Variants in PLS3 observed in about 807,000 individuals in gnomAD.
PLS3 encodes the protein plastin-3.
Under a neutral mutation model 46.5 loss-of-function variants are expected in PLS3, and 11 were observed. The observed-to-expected ratio is 0.24, with a 90% confidence interval of 0.15 to 0.39. The LOEUF is 0.39. PLS3 is among the 10% of genes least tolerant of loss of function. The pLI is 1.00. For synonymous variants in PLS3, 167 were observed against 162.2 expected, an observed-to-expected ratio of 1.03 and a Z score of -0.22; for missense variants, 308 against 461.8, an observed-to-expected ratio of 0.67 and a Z score of 3.05.
intron 1 of PLS3, among the ~76,000 whole-genome samples, chrX:115,604,394 T>C (rs1264506324): frequency 8.9e-6 from 1 of 112,164 alleles, no homozygotes; most frequent in Non-Finnish European, 1.9e-5. Context: ...TAGTTCACAA[T>C]ATGCTGTCAT....
intron 2 of PLS3, chrX:115,610,653 C>A: frequency 3.3e-6 from 1 of 303,409 alleles, no homozygotes; most frequent in Non-Finnish European, 5.7e-6. Flanking sequence ...TATTTTGTAT[C>A]TCATATCTTT....
At chrX:115,575,070 C>G (rs1556631039) in intron 1 of PLS3, among the ~76,000 whole-genome samples, 3 of 111,708 alleles carry the variant, frequency 2.7e-5, no homozygotes, top group African/African-American at 9.8e-5. Flanking sequence ...GTTCCCTGTT[C>G]TGGACATTAC....
chrX:115,640,176 G>A, intron 8 of PLS3: 1 of 964,270 alleles, frequency 1.0e-6, no homozygotes, highest in East Asian at 3.4e-5. Context: ...TTATTGTATT[G>A]ATGACTTTAA....
chrX:115,626,169 A>G, intron 3 of PLS3, among the ~76,000 whole-genome samples: 1 of 112,594 alleles, frequency 8.9e-6, no homozygotes, highest in Admixed American at 9.4e-5. Flanking sequence ...TTGTACTCAA[A>G]TAGTTTTATC....
At position 115,631,535 on chromosome X, in the gene PLS3, C is replaced by T. The variant is rs191032759; in HGVS notation, c.500+1568C>T. On this transcript the variant is annotated intron_variant, in intron 5 of 15. Transcript: ENST00000355899. The stretch of plus-strand genomic sequence containing the variant: ...GATCGCTGAAGACCAGGAGTTAGGT[C>T]CAGTCTGGGCAACAAAACGAGACCC... 5.4e-5 allele frequency among the ~76,000 whole-genome samples: 6 copies of T among 110,242 alleles called. No homozygotes were observed. The Admixed American group carries it at 5.9e-4, about 11-fold the overall frequency.
chrX:115,564,213 A>T (rs1302084571), intron 1 of PLS3, among the ~76,000 whole-genome samples: 1 of 111,913 alleles, frequency 8.9e-6, no homozygotes, highest in Non-Finnish European at 1.9e-5. Context: ...GGGAGCTATT[A>T]ATAAATAAAT....
intron 3 of PLS3, among the ~76,000 whole-genome samples, chrX:115,623,016 A>AC (rs1204760705): frequency 8.3e-5 from 9 of 108,197 alleles, no homozygotes; most frequent in East Asian, 5.8e-4. Flanking sequence ...TAATTCTTTC[A>AC]CCCCCCCACC....
chrX:115,646,539 T>C lies in PLS3; in HGVS notation c.1511+4T>C. 1.7e-6 allele frequency: 2 copies of C among 1,206,558 alleles called. No individual in the cohort carries two copies. Among genetic ancestry groups the C allele is most frequent in the South Asian group, 1.8e-5 (1 of 55,914 alleles). ...TAGTCTGGCAGCTGATGAGAAGGTA[T>C]AGTACACAATTTTAGCTGTTTAGTC... is the stretch of plus-strand genomic sequence containing the variant. On this transcript the variant is annotated splice_donor_region_variant and intron_variant, in intron 13 of 15. Transcript: ENST00000355899.
intron 1 of PLS3, among the ~76,000 whole-genome samples, chrX:115,594,668 T>TCA (rs1212047902): frequency 0.042 from 4,111 of 97,871 alleles, 204 homozygotes; most frequent in African/African-American, 0.15. Context: ...TCTCTCTCTC[T>TCA]CACACACACA....
chrX:115,570,503 CTTTTTTT>C (rs1166812329), intron 1 of PLS3, among the ~76,000 whole-genome samples: 2 of 86,949 alleles, frequency 2.3e-5, no homozygotes, highest in Non-Finnish European at 4.4e-5. Context: ...TCCTACCTTC[CTTTTTTT>C]TTTTTTTTTT....
At chrX:115,630,334 A>C (rs1382036742) in intron 5 of PLS3, among the ~76,000 whole-genome samples, 1 of 111,042 alleles carries the variant, frequency 9.0e-6, no homozygotes, top group Non-Finnish European at 1.9e-5. Context: ...ATTTCTAAAA[A>C]ATGCTTTTGT....
intron 1 of PLS3, among the ~76,000 whole-genome samples, chrX:115,566,599 G>C (rs980171083): frequency 1.8e-5 from 2 of 110,474 alleles, no homozygotes; most frequent in African/African-American, 3.3e-5. Context: ...CCGTGGTCTC[G>C]ATCTCCTGAC....
chrX:115,636,725 A>G, intron 7 of PLS3, 111 bp from the exon 8 acceptor site: 1 of 577,069 alleles, frequency 1.7e-6, no homozygotes, highest in Admixed American at 3.2e-5. Context: ...GAACTATGTC[A>G]TAGTAGTTTT....
rs111323826 is a variant in PLS3, at chrX:115,636,815, A to AT, written c.749-8dup. The AT allele has an allele frequency of 0.036, 28,323 of 784,085 alleles. No homozygotes were observed. Among genetic ancestry groups the AT allele is most frequent in the Non-Finnish European group, 0.04 (22,742 of 569,260 alleles). 64.6% of individuals were successfully genotyped at this position (784,085 alleles called of 1,213,427 possible). A position where few individuals can be genotyped will look rare whatever the true frequency, so the allele number is the denominator to read the frequency against. The stretch of plus-strand genomic sequence containing the variant: ...TATTGTGTCATATAATAACTGTGGG[A>AT]TTTTTTTTTTTTTCTTCTAGCCTTG... On this transcript the variant is annotated intron_variant, in intron 7 of 15. Transcript: ENST00000355899.
In PLS3 at chrX:115,646,992, G is replaced by A. The variant is rs782394796; in HGVS notation, c.1511+457G>A. ...GAATAGTACAAAATGTGCCTACAGT[G>A]GGCTGTTGGACCTGCTCATTAAAGC... is the stretch of plus-strand genomic sequence containing the variant. On this transcript the variant is annotated intron_variant, in intron 13 of 15. Transcript: ENST00000355899. 2.1e-3 allele frequency among the ~76,000 whole-genome samples: 230 copies of A among 112,057 alleles called. 1 individual carries two copies. The highest frequency in any genetic ancestry group is 7.2e-3 in the African/African-American group (224 of 30,938).
intron 1 of PLS3, among the ~76,000 whole-genome samples, chrX:115,582,668 T>G (rs980371916): frequency 8.9e-6 from 1 of 112,547 alleles, no homozygotes; most frequent in Non-Finnish European, 1.9e-5. Flanking sequence ...GACTTAACAA[T>G]GACCATTATG....
intron 1 of PLS3, among the ~76,000 whole-genome samples, chrX:115,569,682 C>T (rs2074200729): frequency 9.0e-6 from 1 of 111,538 alleles, no homozygotes; most frequent in South Asian, 3.8e-4. Context: ...CCTCCTGAAA[C>T]TTAACCCATG....
intron 2 of PLS3, among the ~76,000 whole-genome samples, chrX:115,613,421 CA>C (rs199570619): frequency 4.7e-5 from 5 of 107,508 alleles, no homozygotes; most frequent in African/African-American, 1.7e-4. Context: ...GATGATGCCA[CA>C]AAAAAAAACA....
At chrX:115,630,703 GTATA>G (rs34875480) in intron 5 of PLS3, among the ~76,000 whole-genome samples, 1 of 94,008 alleles carries the variant, frequency 1.1e-5, no homozygotes, top group Admixed American at 1.3e-4. Context: ...ACATATATAT[GTATA>G]TATATACATA....
Sources: allele counts gnomAD v4.1 joint callset (sites outside exome capture counted in the v4.1 genomes callset), GRCh38; gene constraint gnomAD v4.1.1; transcripts MANE v1.5; gene names NCBI Gene and HGNC (gene_info 2026-07-23, HGNC 2026-07-21).